Variants in OR6N1 observed in about 807,000 individuals in gnomAD.
The protein encoded by OR6N1 is olfactory receptor family 6 subfamily N member 1.
For synonymous variants in OR6N1, 170 were observed against 150.7 expected (o/e 1.13, Z -0.94); for missense variants, 394 against 371.7 (o/e 1.06, Z -0.49).
chr1:158,791,566 T>TTCAAGCGATTCTCTTGCC, the OR6N1 span, among the ~76,000 whole-genome samples: 8 of 149,654 alleles, frequency 5.3e-5, no homozygotes, highest in South Asian at 2.1e-4. Flanking sequence ...GAGTCCTGGG[T>TTCAAGCGATTCTCTTGCC]TCAAGCGATT....
the OR6N1 span, among the ~76,000 whole-genome samples, chr1:158,784,551 T>C: frequency 6.6e-6 from 1 of 152,208 alleles, no homozygotes; most frequent in Admixed American, 6.5e-5. Context: ...TCATACCCTT[T>C]AATCGACTTC....
chr1:158,775,465 C>T (rs1317012390), upstream of OR6N1: 3 of 152,182 alleles, frequency 2.0e-5, no homozygotes, highest in African/African-American at 7.2e-5. Flanking sequence ...GGAAGAATTC[C>T]GTTTATAGCC....
At chr1:158,816,520 T>C in the OR6N1 span, among the ~76,000 whole-genome samples, 1 of 152,032 alleles carries the variant, frequency 6.6e-6, no homozygotes, top group Non-Finnish European at 1.5e-5. Context: ...CAAGACCCTG[T>C]CCTTATGAAA....
the OR6N1 span, chr1:158,808,794 G>C: frequency 6.6e-6 from 1 of 152,534 alleles, no homozygotes; most frequent in East Asian, 2.0e-4. Flanking sequence ...CGCATTAGTG[G>C]TGCCAAGTCA....
At chr1:158,817,776 C>T in the OR6N1 span, among the ~76,000 whole-genome samples, 1 of 152,198 alleles carries the variant, frequency 6.6e-6, no homozygotes, top group African/African-American at 2.4e-5. Flanking sequence ...GGACCTCAGG[C>T]ACCTGGGCTG....
the OR6N1 span, among the ~76,000 whole-genome samples, chr1:158,816,763 A>G: frequency 6.6e-6 from 1 of 152,234 alleles, no homozygotes; most frequent in Non-Finnish European, 1.5e-5. Flanking sequence ...ATTTGGACCA[A>G]CACCTTCCCA....
the OR6N1 span, among the ~76,000 whole-genome samples, chr1:158,834,419 G>T: frequency 6.6e-6 from 1 of 151,976 alleles, no homozygotes; most frequent in Non-Finnish European, 1.5e-5. Context: ...TTTTAGTAGA[G>T]AAGGGGTTTC....
At chr1:158,781,398 AG>A in the OR6N1 span, among the ~76,000 whole-genome samples, 1 of 152,206 alleles carries the variant, frequency 6.6e-6, no homozygotes, top group African/African-American at 2.4e-5. Flanking sequence ...TGGGAAGCCA[AG>A]TTTACCTCTC....
At chr1:158,820,508 T>C in the OR6N1 span, among the ~76,000 whole-genome samples, 5 of 152,232 alleles carry the variant, frequency 3.3e-5, no homozygotes, top group Admixed American at 2.6e-4. Context: ...TGGCATATAG[T>C]AGGTGCGTAA....
At position 158,764,649 on chromosome 1, in the gene OR6N1, A is replaced by C. The variant is rs1433320361; in HGVS notation, c.*1095T>G. 6.6e-6 allele frequency: 1 copy of C among 152,166 alleles called. No homozygotes were observed. The highest frequency in any genetic ancestry group is 2.4e-5 in the African/African-American group (1 of 41,462). The allele number at this position is 152,166 out of a possible 1,614,324, so 9.4% of individuals were successfully genotyped here. On this transcript the variant is annotated 3_prime_UTR_variant, in exon 2 of 2. Transcript: ENST00000641846. ...TGATCCTCCATTCATGGAAGGATAC[A>C]TAAAGAATACATAATATTAGCTATT...
chr1:158,800,059 A>T, the OR6N1 span, among the ~76,000 whole-genome samples: 1 of 152,136 alleles, frequency 6.6e-6, no homozygotes, highest in Non-Finnish European at 1.5e-5. Flanking sequence ...TCTGTTTCTA[A>T]GTTGCCATGT....
At chr1:158,780,465 T>A in the OR6N1 span, among the ~76,000 whole-genome samples, 1 of 152,124 alleles carries the variant, frequency 6.6e-6, no homozygotes. Flanking sequence ...GAGAATACAA[T>A]ATAGATGCTC....
chr1:158,781,367 A>G, the OR6N1 span, among the ~76,000 whole-genome samples: 314 of 152,340 alleles, frequency 2.1e-3, no homozygotes, highest in African/African-American at 7.3e-3. Context: ...ACAGGTGAGA[A>G]TCAGGCTCAG....
chr1:158,796,605 C>T, the OR6N1 span, among the ~76,000 whole-genome samples: 1 of 152,054 alleles, frequency 6.6e-6, no homozygotes. Context: ...TTAAAATTTT[C>T]TGATACATTT....
upstream of OR6N1, chr1:158,776,821 C>T (rs753611659): frequency 1.1e-5 from 18 of 1,613,962 alleles, no homozygotes; most frequent in South Asian, 6.6e-5. Flanking sequence ...AGCAAGTGTT[C>T]GGTCAAGGGT....
chr1:158,776,894 C>T (rs1001182268), upstream of OR6N1: 1 of 1,614,068 alleles, frequency 6.2e-7, no homozygotes, highest in African/African-American at 1.3e-5. Context: ...AAGATGAGGA[C>T]CACAGCAAGA....
the OR6N1 span, among the ~76,000 whole-genome samples, chr1:158,835,886 G>A: frequency 6.6e-6 from 1 of 151,630 alleles, no homozygotes; most frequent in African/African-American, 2.4e-5. Flanking sequence ...CAATTGAGAT[G>A]ATCATTTTTT....
At chr1:158,766,834 G>C (rs1657288157) in intron 1 of OR6N1, 134 bp from the exon 2 acceptor site, 2 of 611,618 alleles carry the variant, frequency 3.3e-6, no homozygotes, top group Admixed American at 3.0e-5. Context: ...TGCTTTGAGA[G>C]GTCAACATTT....
At chr1:158,788,487 A>G in the OR6N1 span, among the ~76,000 whole-genome samples, 3 of 152,170 alleles carry the variant, frequency 2.0e-5, no homozygotes, top group African/African-American at 7.2e-5. Flanking sequence ...CTTATTTTAT[A>G]TATTAGATAG....
Sources: gnomAD v4.1 joint callset for allele counts (sites outside exome capture counted in the v4.1 genomes callset) on GRCh38, gnomAD v4.1.1 for gene constraint, MANE v1.5 for transcripts, NCBI Gene and HGNC (gene_info 2026-07-23, HGNC 2026-07-21) for gene names.